RBM33: variants seen among roughly 807,000 people sequenced by gnomAD.
The protein encoded by RBM33 is RNA binding motif protein 33, also known as RNA-binding protein 33.
Under a neutral mutation model 132.6 loss-of-function variants are expected in RBM33, and 28 were observed. That is an observed-to-expected ratio of 0.21 (90% CI 0.16 to 0.29). RBM33 has a LOEUF of 0.29. Among genes scored for constraint, RBM33 ranks in the 10% least tolerant of loss-of-function variants. The pLI is 1.00. For missense variants in RBM33, 1,291 were observed against 1,518.5 expected, an observed-to-expected ratio of 0.85 and a Z score of 2.49; for synonymous variants, 634 against 593.0, an observed-to-expected ratio of 1.07 and a Z score of -1.01.
Position 155,780,244 on chromosome 7 carries a change from A to G in RBM33, c.*5203A>G, listed in dbSNP as rs1372047581. ...GGGTAACATTTTCAATAACGCGCGC[A>G]CAGCACACAGGGGTGCCCTGAGCCG... On this transcript the variant is annotated 3_prime_UTR_variant, in exon 18 of 18. Transcript: ENST00000401878. The G allele has an allele frequency of 6.6e-6, 1 of 152,198 alleles. No homozygotes were observed. Among genetic ancestry groups the G allele is most frequent in the Non-Finnish European group, 1.5e-5 (1 of 68,050 alleles). The allele number at this position is 152,198 out of a possible 1,614,324, so 9.4% of individuals were successfully genotyped here.
chr7:155,668,470 T>C (rs186311168), intron 2 of RBM33, among the ~76,000 whole-genome samples: 64 of 152,278 alleles, frequency 4.2e-4, no homozygotes, highest in Admixed American at 1.9e-3. Context: ...TAGAAGTGGA[T>C]GGGATTCAGG....
intron 5 of RBM33, 68 bp from the exon 6 acceptor site, chr7:155,700,705 C>T: frequency 8.7e-7 from 1 of 1,145,262 alleles, no homozygotes; most frequent in Non-Finnish European, 1.2e-6. Flanking sequence ...TTTTAGCATT[C>T]TTTAATATTT....
chr7:155,753,171 T>C (rs1310077236), intron 14 of RBM33, among the ~76,000 whole-genome samples: 1 of 152,214 alleles, frequency 6.6e-6, no homozygotes, highest in Non-Finnish European at 1.5e-5. Context: ...ATTTAGATGA[T>C]ACCAGTAAGT....
rs757175220 is a variant in RBM33 at position 155,738,243 on chromosome 7, G to A, written c.1577G>A (p.Arg526Gln). 13 of 1,613,964 alleles carry A rather than the reference G, an allele frequency of 8.1e-6. No individual in the cohort carries two copies. The highest frequency in any genetic ancestry group is 1.0e-5 in the Non-Finnish European group (12 of 1,179,898). ...CAGCAGCCAGTGTTCCCAAGAGAGC[G>A]GCCCGTACGACCAGCCTTGCAGCCT... ...QGQQPVFPRE[R>Q]PVRPALQPPG... The change falls in exon 11 of 18, where the codon CGG (arginine) becomes CAG (glutamine). Residue 526 changes from arginine (R) to glutamine (Q), a missense_variant. Arg to Gln is a conservative substitution (Grantham distance 43). Transcript: ENST00000401878.
intron 13 of RBM33, 78 bp downstream of exon 13, chr7:155,742,184 C>G: frequency 7.6e-7 from 1 of 1,320,120 alleles, no homozygotes; most frequent in Non-Finnish European, 1.0e-6. Context: ...TTAGTTCACT[C>G]TCACTAAGTT....
At chr7:155,655,293 A>G (rs1031917641) in intron 1 of RBM33, among the ~76,000 whole-genome samples, 15 of 152,136 alleles carry the variant, frequency 9.9e-5, no homozygotes, top group African/African-American at 2.4e-4. Flanking sequence ...TTGCTGCCTA[A>G]TATGTAACTA....
At chr7:155,761,017 T>TA (rs1327018746) in intron 14 of RBM33, among the ~76,000 whole-genome samples, 1 of 152,208 alleles carries the variant, frequency 6.6e-6, no homozygotes, top group Non-Finnish European at 1.5e-5. Flanking sequence ...CATAGAGCGT[T>TA]AGGTGGGAGA....
chr7:155,673,940 G>GTTGTTGTTGTTTTTTTGTTTTTTTTTTT, intron 3 of RBM33, among the ~76,000 whole-genome samples: 1 of 54,214 alleles, frequency 1.8e-5, no homozygotes, highest in African/African-American at 8.3e-5. Context: ...TTTAGGCTTA[G>GTTGTTGTTGTTTTTTTGTTTTTTTTTTT]TTTTTTTTTT....
intron 3 of RBM33, among the ~76,000 whole-genome samples, chr7:155,673,768 G>GCACACA (rs369116329): frequency 0.11 from 14,973 of 132,878 alleles, 1,259 homozygotes; most frequent in East Asian, 0.23. Flanking sequence ...GCGCATGCGC[G>GCACACA]CACACACACA....
intron 6 of RBM33, among the ~76,000 whole-genome samples, chr7:155,701,934 G>A (rs939231815): frequency 6.6e-5 from 10 of 152,110 alleles, no homozygotes; most frequent in African/African-American, 2.2e-4. Context: ...GATCCACCCG[G>A]CTCAGCCTCC....
intron 9 of RBM33, among the ~76,000 whole-genome samples, chr7:155,731,550 T>C (rs1312661229): frequency 6.6e-6 from 1 of 152,212 alleles, no homozygotes; most frequent in African/African-American, 2.4e-5. Flanking sequence ...ACTAATGGGC[T>C]AGCAGGCAGG....
intron 14 of RBM33, among the ~76,000 whole-genome samples, chr7:155,756,743 A>G (rs1319630130): frequency 1.3e-5 from 2 of 152,202 alleles, no homozygotes; most frequent in African/African-American, 4.8e-5. Context: ...GTAAAACCCC[A>G]GGCGAAAGCA....
At chr7:155,677,488 G>C (rs528148677) in intron 3 of RBM33, among the ~76,000 whole-genome samples, 33 of 152,262 alleles carry the variant, frequency 2.2e-4, no homozygotes, top group African/African-American at 7.9e-4. Flanking sequence ...GGGATTACAG[G>C]CATGAGCCAC....
chr7:155,750,635 C>T (rs1001869855), intron 14 of RBM33, among the ~76,000 whole-genome samples: 12 of 151,932 alleles, frequency 7.9e-5, no homozygotes, highest in East Asian at 1.9e-4. Context: ...AAGGATTAAA[C>T]GTCATAATCA....
chr7:155,755,246 G>A (rs1563177705), intron 14 of RBM33, among the ~76,000 whole-genome samples: 1 of 152,148 alleles, frequency 6.6e-6, no homozygotes, highest in African/African-American at 2.4e-5. Context: ...TGGCCTTATC[G>A]AAAGGAGAAT....
Position 155,686,725 on chromosome 7 carries a change from C to T in RBM33, c.567+5817C>T, listed in dbSNP as rs545283146. Reference sequence around the variant, plus strand: ...GTTCCCACCTATGAGTGAGAACATGCAGTGTTTGGTTTTTTGTCCTTGAGA... The same window carrying T: ...GTTCCCACCTATGAGTGAGAACATGTAGTGTTTGGTTTTTTGTCCTTGAGA... On this transcript the variant is annotated intron_variant, in intron 5 of 17. Coordinates refer to ENST00000401878, the MANE Select transcript of RBM33 (RefSeq NM_053043.3). 6.6e-5 allele frequency among the ~76,000 whole-genome samples: 10 copies of T among 152,120 alleles called. No homozygotes were observed. In the South Asian group the frequency reaches 1.5e-3, roughly 22 times the overall value.
rs775303642 is a variant in RBM33, at chr7:155,700,802, G to A, written c.597G>A (p.Lys199=). 9 of 1,578,256 alleles carry A rather than the reference G, an allele frequency of 5.7e-6. No individual in the cohort carries two copies. The East Asian group carries it at 2.1e-4, about 36-fold the overall frequency. ...TGGMETLELQ[K]DIKEESDEEE... ...GTATGGAAACATTGGAACTTCAAAA[G>A]GACATCAAAGAAGAATCAGATGAAG... is the stretch of plus-strand genomic sequence containing the variant. The change falls in exon 6 of 18, where the codon AAG becomes AAA. Residue 199 remains lysine, a synonymous_variant. Transcript: ENST00000401878.
intron 3 of RBM33, among the ~76,000 whole-genome samples, chr7:155,678,383 G>C (rs1024223871): frequency 9.9e-5 from 15 of 152,230 alleles, no homozygotes; most frequent in Admixed American, 7.8e-4. Context: ...CGTTACACTT[G>C]GTGTTTTTAC....
chr7:155,694,938 G>A (rs1455291523), intron 5 of RBM33, among the ~76,000 whole-genome samples: 1 of 152,018 alleles, frequency 6.6e-6, no homozygotes, highest in Admixed American at 6.5e-5. Flanking sequence ...TTGCTGAGAC[G>A]GTCTAGAGGT....
Sources: gnomAD v4.1 joint callset for allele counts (sites outside exome capture counted in the v4.1 genomes callset) on GRCh38, gnomAD v4.1.1 for gene constraint, MANE v1.5 for transcripts, NCBI Gene and HGNC (gene_info 2026-07-23, HGNC 2026-07-21) for gene names.